The following PRSS38 variants were observed in gnomAD, a reference collection of about 807,000 sequenced individuals.
PRSS38 encodes serine protease 38, also known as marapsin 2.
In PRSS38, 22 loss-of-function variants were observed where a neutral mutation model predicts 26.8. That is an observed-to-expected ratio of 0.82 (90% confidence interval 0.59 to 1.17). The LOEUF is 1.17. PRSS38 is among the 50% of genes most tolerant of loss of function. PRSS38 has a pLI of 0.00. For missense variants in PRSS38, 427 were observed against 422.7 expected, an observed-to-expected ratio of 1.01 and a Z score of -0.09; for synonymous variants, 175 against 172.1, an observed-to-expected ratio of 1.02 and a Z score of -0.13.
intron 3 of PRSS38, among the ~76,000 whole-genome samples, chr1:227,826,426 T>C (rs535622637): frequency 6.6e-6 from 1 of 152,232 alleles, no homozygotes; most frequent in South Asian, 2.1e-4. Context: ...TTAATAGAAG[T>C]GGTGAGGCCA....
chr1:227,828,762 C>G (rs369066413), intron 3 of PRSS38, among the ~76,000 whole-genome samples: 1 of 150,156 alleles, frequency 6.7e-6, no homozygotes, highest in African/African-American at 2.4e-5. Context: ...GACCACCCCC[C>G]AGGGTTATGT....
chr1:227,818,142 G>A (rs1664949348), intron 3 of PRSS38, among the ~76,000 whole-genome samples: 1 of 152,058 alleles, frequency 6.6e-6, no homozygotes, highest in Non-Finnish European at 1.5e-5. Context: ...CAGTAGAAAT[G>A]ATGCCAGATC....
chr1:227,816,263 G>A lies in PRSS38; in HGVS notation c.311+11G>A, dbSNP rs770252906. ...GCACTGCTTTCACAGGTAAGCGGGCGCCGGCCTGGGATGGTGTGGGTAGCT... is the reference window on the plus strand; with the variant it reads ...GCACTGCTTTCACAGGTAAGCGGGCACCGGCCTGGGATGGTGTGGGTAGCT... On this transcript the variant is annotated intron_variant, in intron 2 of 4. Coordinates refer to ENST00000366757, the Ensembl canonical transcript of PRSS38. The surrounding 1 kb of genome is among the most constrained non-coding windows in gnomAD (Gnocchi z 5.1). 46 of 1,606,958 alleles carry A rather than the reference G, an allele frequency of 2.9e-5. No homozygotes were observed. Among genetic ancestry groups the A allele is most frequent in the Admixed American group, 8.4e-5 (5 of 59,782 alleles).
intron 3 of PRSS38, among the ~76,000 whole-genome samples, chr1:227,841,124 T>C (rs1175806669): frequency 6.6e-6 from 1 of 152,208 alleles, no homozygotes; most frequent in African/African-American, 2.4e-5. Flanking sequence ...GCTCAGGCAG[T>C]TGTGGGTCGG....
At chr1:227,821,236 AATATTCCATGGTATAC>A (rs1310410833) in intron 3 of PRSS38, among the ~76,000 whole-genome samples, 1 of 151,892 alleles carries the variant, frequency 6.6e-6, no homozygotes, top group Non-Finnish European at 1.5e-5. Flanking sequence ...TTTTTTGCAC[AATATTCCATGGTATAC>A]ATGTATCACA....
intron 3 of PRSS38, among the ~76,000 whole-genome samples, chr1:227,836,103 CT>C (rs75326252): frequency 0.26 from 38,669 of 146,394 alleles, 5,087 homozygotes; most frequent in Non-Finnish European, 0.29. Flanking sequence ...TTGTTTTTTA[CT>C]TTTTTTTTTT....
chr1:227,825,480 G>A lies in PRSS38; in HGVS notation c.583+8000G>A, dbSNP rs116935051. On this transcript the variant is annotated intron_variant, in intron 3 of 4. Coordinates refer to ENST00000366757, the Ensembl canonical transcript of PRSS38. ...GCTGTGATTACAGGCGTAAGCCACC[G>A]CGTCTGGCCTCTAGGTTTTTTAAAG... Among the ~76,000 whole-genome samples, 703 of 152,222 alleles carry A rather than the reference G, an allele frequency of 4.6e-3. 10 individuals carry two copies. In the South Asian group the frequency reaches 0.058, roughly 12 times the overall value.
chr1:227,845,456 C>T lies in PRSS38; in HGVS notation c.584-14C>T. The T allele has an allele frequency of 3.7e-6, 6 of 1,601,890 alleles. No homozygotes were observed. The East Asian group carries it at 1.3e-4, about 36-fold the overall frequency. On this transcript the variant is annotated splice_polypyrimidine_tract_variant and intron_variant, in intron 3 of 4. Coordinates refer to ENST00000366757, the Ensembl canonical transcript of PRSS38. ...AGCAGGTGCTGCCCCCTCACGGGAG[C>T]CCTCCTCCCACAGGTGAGACCTCAG...
intron 3 of PRSS38, among the ~76,000 whole-genome samples, chr1:227,824,432 G>T: frequency 6.6e-6 from 1 of 152,048 alleles, no homozygotes; most frequent in East Asian, 1.9e-4. Flanking sequence ...AGTATTCCAT[G>T]GTATACATGT....
intron 1 of PRSS38, 106 bp from the exon 2 acceptor site, chr1:227,815,984 C>T (rs952006184): frequency 6.7e-6 from 10 of 1,487,582 alleles, no homozygotes; most frequent in Non-Finnish European, 9.2e-6. Flanking sequence ...ATGTCCCCTG[C>T]CTTCCCTTCC....
chr1:227,838,128 T>C (rs1195716935), intron 3 of PRSS38, among the ~76,000 whole-genome samples: 4 of 152,210 alleles, frequency 2.6e-5, no homozygotes, highest in Non-Finnish European at 4.4e-5. Flanking sequence ...AATTTATTTT[T>C]ATATTAATAT....
At chr1:227,834,248 G>A (rs914570495) in intron 3 of PRSS38, among the ~76,000 whole-genome samples, 5 of 152,146 alleles carry the variant, frequency 3.3e-5, no homozygotes, top group South Asian at 2.1e-4. Context: ...ACTTTTTGTC[G>A]TTTGAAACTG....
intron 3 of PRSS38, among the ~76,000 whole-genome samples, chr1:227,830,970 G>T (rs549917070): frequency 6.6e-6 from 1 of 152,100 alleles, no homozygotes; most frequent in East Asian, 1.9e-4. Flanking sequence ...AATTTTGGTT[G>T]TCTTCTAGAA....
At chr1:227,845,832 G>T (rs535227379) in intron 4 of PRSS38, 122 bp from the exon 5 acceptor site, 20 of 1,388,898 alleles carry the variant, frequency 1.4e-5, no homozygotes, top group Non-Finnish European at 1.7e-5. Context: ...CTGGGTGAGA[G>T]GGGGGCACTG....
intron 1 of PRSS38, 39 bp downstream of exon 1, chr1:227,815,903 A>G: frequency 6.4e-7 from 1 of 1,570,454 alleles, no homozygotes; most frequent in Non-Finnish European, 8.7e-7. Context: ...GGCTGGAGAC[A>G]GTGCCCTTGG....
intron 3 of PRSS38, among the ~76,000 whole-genome samples, chr1:227,829,681 T>C (rs1186165693): frequency 6.6e-6 from 1 of 152,230 alleles, no homozygotes; most frequent in Non-Finnish European, 1.5e-5. Context: ...TTTTATTCAT[T>C]TCATTCTGAG....
rs754791772 is a variant in PRSS38, at chr1:227,817,406, G to T, written c.509G>T (p.Cys170Phe). The change falls in exon 3 of 5, where the codon TGC becomes TTC. Residue 170 changes from cysteine (C) to phenylalanine (F), a missense_variant. Physicochemically the swap from Cys to Phe is radical, Grantham distance 205 (BLOSUM62 -2). Coordinates refer to ENST00000366757, the Ensembl canonical transcript of PRSS38. ...TTTTCTGAGTCCGTGCTCCCGGTTT[G>T]CCTTGCAACTCCAGAAGTGAACCTT... The T allele has an allele frequency of 3.4e-5, 55 of 1,614,032 alleles. 1 individual carries two copies. In the Middle Eastern group the frequency reaches 8.2e-4, roughly 24 times the overall value.
chr1:227,837,522 G>A (rs1208957134), intron 3 of PRSS38, among the ~76,000 whole-genome samples: 1 of 151,916 alleles, frequency 6.6e-6, no homozygotes, highest in Non-Finnish European at 1.5e-5. Context: ...GTTGCCATCA[G>A]TGTTTAGGTC....
At chr1:227,827,675 C>T (rs184062398) in intron 3 of PRSS38, among the ~76,000 whole-genome samples, 80 of 149,034 alleles carry the variant, frequency 5.4e-4, no homozygotes, top group African/African-American at 1.8e-3. Context: ...GAAGGGTTTT[C>T]CATGTCTCTC....
Sources: allele counts gnomAD v4.1 joint callset (sites outside exome capture counted in the v4.1 genomes callset), GRCh38; gene constraint gnomAD v4.1.1; non-coding constraint Gnocchi (gnomAD v3.1); transcripts MANE v1.5; gene names NCBI Gene and HGNC (gene_info 2026-07-23, HGNC 2026-07-21).